Variants in EPHA6 observed in about 807,000 individuals in gnomAD.
EPHA6 encodes ephrin type-A receptor 6.
EPHA6 carries 50 observed loss-of-function variants against 112.0 expected under a neutral mutation model. The ratio of observed to expected loss-of-function variants is 0.45; its 90% CI spans 0.36 to 0.56. The LOEUF is 0.56. Ranked by LOEUF, EPHA6 falls within the 20% of genes least tolerant of loss-of-function variation. The pLI is 0.00. For missense variants in EPHA6, 1,280 were observed against 1,417.4 expected (o/e 0.90, Z 1.56); for synonymous variants, 529 against 490.7 (o/e 1.08, Z -1.03).
intron 3 of EPHA6, among the ~76,000 whole-genome samples, chr3:97,022,006 C>A (rs1206719928): frequency 6.6e-6 from 1 of 152,124 alleles, no homozygotes; most frequent in Non-Finnish European, 1.5e-5. Context: ...GTTCACTCAT[C>A]ACTAAAATTA....
chr3:97,037,493 T>G (rs1357760705), intron 3 of EPHA6, among the ~76,000 whole-genome samples: 13 of 152,024 alleles, frequency 8.6e-5, no homozygotes, highest in Non-Finnish European at 1.9e-4. Context: ...AATACTGATG[T>G]GTCAGCAGTA....
At chr3:97,492,927 A>G (rs1279750029) in intron 10 of EPHA6, among the ~76,000 whole-genome samples, 1 of 151,430 alleles carries the variant, frequency 6.6e-6, no homozygotes, top group Non-Finnish European at 1.5e-5. Context: ...GCTTGATGAC[A>G]CTGGATCTTT....
At chr3:97,586,831 T>C (rs1186040403) in intron 11 of EPHA6, among the ~76,000 whole-genome samples, 8 of 152,184 alleles carry the variant, frequency 5.3e-5, no homozygotes, top group Admixed American at 5.2e-4. Context: ...AATAGACTAG[T>C]TTATCTTTGC....
intron 5 of EPHA6, among the ~76,000 whole-genome samples, chr3:97,383,652 A>G (rs924392573): frequency 2.6e-5 from 4 of 152,092 alleles, no homozygotes; most frequent in East Asian, 1.9e-4. Flanking sequence ...AAGTATTTCT[A>G]TAGAGGATTA....
rs759008262 is a variant in EPHA6 at position 97,448,560 on chromosome 3, T to A, written c.1732-8T>A. On this transcript the variant is annotated splice_polypyrimidine_tract_variant and splice_region_variant and intron_variant, in intron 6 of 17. Coordinates refer to ENST00000389672, the MANE Select transcript of EPHA6 (RefSeq NM_001080448.3). ...TCATTTCCTTTCTCCTTTTTTTCTG[T>A]CCCCCAGGAACATGAGCAGCTGACC... The A allele has an allele frequency of 6.2e-7, 1 of 1,612,356 alleles. No individual in the cohort carries two copies. Among genetic ancestry groups the A allele is most frequent in the Non-Finnish European group, 8.5e-7 (1 of 1,178,996 alleles).
At chr3:97,558,842 G>T (rs2093149920) in intron 11 of EPHA6, among the ~76,000 whole-genome samples, 1 of 151,764 alleles carries the variant, frequency 6.6e-6, no homozygotes, top group Admixed American at 6.6e-5. Context: ...GAATGTCTTT[G>T]TTATATTGAA....
At chr3:97,688,290 C>T (rs1212788874) in intron 14 of EPHA6, among the ~76,000 whole-genome samples, 1 of 151,946 alleles carries the variant, frequency 6.6e-6, no homozygotes, top group African/African-American at 2.4e-5. Context: ...TCTTTCATGC[C>T]TTCAACCTAG....
At chr3:97,053,360 A>T (rs992232141) in intron 3 of EPHA6, among the ~76,000 whole-genome samples, 1 of 152,112 alleles carries the variant, frequency 6.6e-6, no homozygotes, top group Non-Finnish European at 1.5e-5. Context: ...GATGTAGTAC[A>T]TGGGAACATG....
intron 3 of EPHA6, among the ~76,000 whole-genome samples, chr3:97,184,489 TGGCAA>T (rs1226198959): frequency 1.3e-5 from 2 of 152,168 alleles, no homozygotes; most frequent in Non-Finnish European, 2.9e-5. Flanking sequence ...ATGAAATACC[TGGCAA>T]TCCAACTTAC....
chr3:97,505,638 G>T (rs1177723807), intron 10 of EPHA6, among the ~76,000 whole-genome samples: 5 of 152,136 alleles, frequency 3.3e-5, no homozygotes, highest in African/African-American at 9.7e-5. Context: ...GAACAGTGCT[G>T]CAATAAACAT....
intron 5 of EPHA6, among the ~76,000 whole-genome samples, chr3:97,299,246 A>AGT (rs1250752814): frequency 7.1e-6 from 1 of 140,546 alleles, no homozygotes; most frequent in African/African-American, 2.6e-5. Context: ...TGTAGTGGGG[A>AGT]GTGTGTGTGT....
chr3:97,041,326 G>A (rs2045306924), intron 3 of EPHA6, among the ~76,000 whole-genome samples: 1 of 151,968 alleles, frequency 6.6e-6, no homozygotes, highest in Admixed American at 6.6e-5. Flanking sequence ...GCCAGTCCTT[G>A]TCCCTCTGAT....
At chr3:97,726,598 G>A (rs890561398) in intron 15 of EPHA6, among the ~76,000 whole-genome samples, 2 of 152,066 alleles carry the variant, frequency 1.3e-5, no homozygotes, top group African/African-American at 4.8e-5. Flanking sequence ...CAAGTACCTT[G>A]AAAGTGTATA....
chr3:97,175,426 C>A (rs1158704324), intron 3 of EPHA6, among the ~76,000 whole-genome samples: 1 of 151,432 alleles, frequency 6.6e-6, no homozygotes, highest in African/African-American at 2.4e-5. Flanking sequence ...TTTTCTATAT[C>A]TGAAGGTCAT....
chr3:96,816,135 T>C (rs2032764586), intron 1 of EPHA6, among the ~76,000 whole-genome samples: 1 of 152,058 alleles, frequency 6.6e-6, no homozygotes. Flanking sequence ...CACAGCATTC[T>C]TCTTTGTCAT....
intron 5 of EPHA6, among the ~76,000 whole-genome samples, chr3:97,306,817 G>A (rs1463541891): frequency 6.6e-6 from 1 of 151,442 alleles, no homozygotes; most frequent in East Asian, 1.9e-4. Context: ...CTAAAATACG[G>A]CCTACCAGTT....
At position 97,312,591 on chromosome 3, in the gene EPHA6, T is replaced by C. The variant is rs970320613; in HGVS notation, c.1606+68304T>C. On this transcript the variant is annotated intron_variant, in intron 5 of 17. Coordinates refer to ENST00000389672, the MANE Select transcript of EPHA6 (RefSeq NM_001080448.3). ...TCCAAAACACTTCTGGTCCCAATCA[T>C]TTTGGATAAGGGATAATCAATCTAT... is the stretch of plus-strand genomic sequence containing the variant. Among the ~76,000 whole-genome samples, 5 of 151,720 alleles carry C rather than the reference T, an allele frequency of 3.3e-5. No homozygotes were observed. The South Asian group carries it at 6.2e-4, about 19-fold the overall frequency.
chr3:96,948,107 C>T (rs540789285), intron 2 of EPHA6, among the ~76,000 whole-genome samples: 4 of 152,196 alleles, frequency 2.6e-5, no homozygotes, highest in Admixed American at 6.5e-5. Flanking sequence ...TGGATATTTT[C>T]CCCAACTATT....
intron 6 of EPHA6, among the ~76,000 whole-genome samples, chr3:97,429,999 G>A (rs1173724812): frequency 6.6e-6 from 1 of 152,284 alleles, no homozygotes; most frequent in East Asian, 1.9e-4. Flanking sequence ...AGCCAGACAA[G>A]CTTCCAAAGA....
Sources: gnomAD v4.1 joint callset for allele counts (sites outside exome capture counted in the v4.1 genomes callset) on GRCh38, gnomAD v4.1.1 for gene constraint, MANE v1.5 for transcripts, NCBI Gene and HGNC (gene_info 2026-07-23, HGNC 2026-07-21) for gene names.